Variants in FRMD4A observed in about 807,000 individuals in gnomAD.
FRMD4A encodes FERM domain-containing protein 4A.
In FRMD4A, 29 loss-of-function variants were observed where a neutral mutation model predicts 129.1. The observed-to-expected ratio is 0.22, with a 90% CI of 0.17 to 0.31. The LOEUF is 0.31. Ranked by LOEUF, FRMD4A falls within the 10% of genes least tolerant of loss-of-function variation. FRMD4A has a pLI of 1.00. For missense variants in FRMD4A, 1,272 were observed against 1,375.8 expected (o/e 0.92, Z 1.19); for synonymous variants, 634 against 571.6 (o/e 1.11, Z -1.56).
intron 2 of FRMD4A, among the ~76,000 whole-genome samples, chr10:13,984,138 T>C (rs564616992): frequency 2.0e-5 from 3 of 152,128 alleles, no homozygotes; most frequent in Non-Finnish European, 2.9e-5. Flanking sequence ...GGGTGCTTTC[T>C]GCAGGGGGCA....
At chr10:13,748,305 C>T (rs542170399) in intron 8 of FRMD4A, among the ~76,000 whole-genome samples, 33 of 152,340 alleles carry the variant, frequency 2.2e-4, no homozygotes, top group African/African-American at 7.5e-4. Flanking sequence ...TCATGGCTTA[C>T]GTTGACCACA....
chr10:14,187,120 AAGGAAAG>A, intron 2 of FRMD4A, among the ~76,000 whole-genome samples: 1 of 138,052 alleles, frequency 7.2e-6, no homozygotes, highest in African/African-American at 2.7e-5. Flanking sequence ...CTCTGTCTCA[AAGGAAAG>A]AAGGAAAGAA....
intron 2 of FRMD4A, among the ~76,000 whole-genome samples, chr10:13,869,297 A>G (rs1332319432): frequency 1.3e-5 from 2 of 152,216 alleles, no homozygotes; most frequent in East Asian, 3.8e-4. Context: ...AGGCTGGTAC[A>G]ACAGGAAGCT....
intron 2 of FRMD4A, among the ~76,000 whole-genome samples, chr10:13,896,101 G>C (rs2094754952): frequency 6.6e-6 from 1 of 152,326 alleles, no homozygotes; most frequent in African/African-American, 2.4e-5. Context: ...CATTGTGGAA[G>C]ACAGTGTGGC....
At chr10:14,087,714 G>T (rs931688317) in intron 2 of FRMD4A, 1 of 152,156 alleles carries the variant, frequency 6.6e-6, no homozygotes, top group Admixed American at 6.5e-5. Context: ...AAACAGGAAC[G>T]AAATGTGAAC....
intron 2 of FRMD4A, among the ~76,000 whole-genome samples, chr10:14,002,876 T>C (rs2095647387): frequency 6.6e-6 from 1 of 151,966 alleles, no homozygotes; most frequent in African/African-American, 2.4e-5. Context: ...ACACGCAAAG[T>C]TCCTGGGGCA....
intron 2 of FRMD4A, among the ~76,000 whole-genome samples, chr10:14,019,833 G>A (rs1832653492): frequency 6.6e-6 from 1 of 152,178 alleles, no homozygotes; most frequent in African/African-American, 2.4e-5. Flanking sequence ...ACAGATTTGA[G>A]TCTGATACTG....
intron 15 of FRMD4A, chr10:13,685,682 A>G (rs186094078): frequency 7.1e-4 from 694 of 976,698 alleles, no homozygotes; most frequent in Non-Finnish European, 8.2e-4. Context: ...TTAAAATTTC[A>G]TCACAGTCCT....
At chr10:13,677,864 TA>T (rs1389764689) in intron 15 of FRMD4A, among the ~76,000 whole-genome samples, 1 of 152,200 alleles carries the variant, frequency 6.6e-6, no homozygotes, top group Non-Finnish European at 1.5e-5. Flanking sequence ...ACTTTAGATT[TA>T]AAAAACAGAC....
chr10:13,970,397 C>T lies in FRMD4A; in HGVS notation c.46-111485G>A, dbSNP rs892707943. Among the ~76,000 whole-genome samples, 7 of 152,292 alleles carry T rather than the reference C, an allele frequency of 4.6e-5. No homozygotes were observed. The South Asian group carries it at 6.2e-4, about 14-fold the overall frequency. On this transcript the variant is annotated intron_variant, in intron 2 of 24. Coordinates refer to ENST00000357447, the MANE Select transcript of FRMD4A (RefSeq NM_018027.5). ...CCCTTGGGCACATCTTCCAGGGCGCCTCCCTCCCCTGAAAGTCCAGACATT... is the reference window on the plus strand; with the variant it reads ...CCCTTGGGCACATCTTCCAGGGCGCTTCCCTCCCCTGAAAGTCCAGACATT...
intron 2 of FRMD4A, among the ~76,000 whole-genome samples, chr10:13,979,869 C>T (rs906040686): frequency 7.2e-5 from 11 of 152,276 alleles, no homozygotes; most frequent in Admixed American, 7.2e-4. Flanking sequence ...GGTGGCCATG[C>T]CTACATAAAA....
chr10:13,643,858 A>C lies in FRMD4A; in HGVS notation c.*3180T>G, dbSNP rs183481400. 1 of 152,760 alleles carries C rather than the reference A, an allele frequency of 6.5e-6. No individual in the cohort carries two copies. 9.5% of individuals were successfully genotyped at this position (152,760 alleles called of 1,614,324 possible). A position where few individuals can be genotyped will look rare whatever the true frequency, so the allele number is the denominator to read the frequency against. On this transcript the variant is annotated 3_prime_UTR_variant, in exon 25 of 25. Coordinates refer to ENST00000357447, the MANE Select transcript of FRMD4A (RefSeq NM_018027.5). The stretch of plus-strand genomic sequence containing the variant: ...TTTGTCTACAACGTACATCTTTTTC[A>C]TTGATTACAGTTGAACAGAATCCAG...
At chr10:13,913,879 C>A (rs530010275) in intron 2 of FRMD4A, among the ~76,000 whole-genome samples, 14 of 152,354 alleles carry the variant, frequency 9.2e-5, no homozygotes, top group African/African-American at 3.4e-4. Flanking sequence ...AGTACATAGA[C>A]TATCAGGCGG....
intron 2 of FRMD4A, among the ~76,000 whole-genome samples, chr10:14,138,568 G>A (rs1283974299): frequency 6.6e-6 from 1 of 152,008 alleles, no homozygotes; most frequent in Non-Finnish European, 1.5e-5. Flanking sequence ...AGACCAGCCT[G>A]GCCAACATGG....
At chr10:13,676,924 C>T (rs374654381) in intron 15 of FRMD4A, among the ~76,000 whole-genome samples, 1 of 152,086 alleles carries the variant, frequency 6.6e-6, no homozygotes, top group Non-Finnish European at 1.5e-5. Flanking sequence ...ATTTTTTGGA[C>T]AATTTTAGTA....
chr10:13,984,265 C>T (rs1245351777), intron 2 of FRMD4A, among the ~76,000 whole-genome samples: 1 of 152,122 alleles, frequency 6.6e-6, no homozygotes, highest in Non-Finnish European at 1.5e-5. Flanking sequence ...TGAAGTTTCC[C>T]CTTGTGGCCA....
chr10:13,994,867 T>G (rs1443203714), intron 2 of FRMD4A, among the ~76,000 whole-genome samples: 5 of 152,190 alleles, frequency 3.3e-5, no homozygotes, highest in Admixed American at 3.3e-4. Context: ...GCAATGTGCC[T>G]CTTTCTGTAT....
intron 3 of FRMD4A, among the ~76,000 whole-genome samples, chr10:13,811,197 A>G (rs2093438866): frequency 6.7e-6 from 1 of 148,770 alleles, no homozygotes; most frequent in Admixed American, 6.7e-5. Context: ...GTGCAGTGGC[A>G]TGATCTTCGC....
intron 6 of FRMD4A, among the ~76,000 whole-genome samples, chr10:13,766,173 T>C (rs774286527): frequency 7.9e-5 from 12 of 152,248 alleles, no homozygotes; most frequent in African/African-American, 1.9e-4. Flanking sequence ...GAGAGTATCA[T>C]TGGTGAACAT....
Sources: gnomAD v4.1 joint callset for allele counts (sites outside exome capture counted in the v4.1 genomes callset) on GRCh38, gnomAD v4.1.1 for gene constraint, MANE v1.5 for transcripts, NCBI Gene and HGNC (gene_info 2026-07-23, HGNC 2026-07-21) for gene names.